The following BMP2K variants were observed in gnomAD, a reference collection of about 807,000 sequenced individuals.
The protein encoded by BMP2K is BMP2 inducible kinase, also known as BMP-2-inducible protein kinase.
BMP2K carries 74 observed loss-of-function variants against 116.0 expected under a neutral mutation model. That is an observed-to-expected ratio of 0.64 (90% CI 0.53 to 0.77). The LOEUF is 0.77. Ranked by LOEUF, BMP2K falls within the 30% of genes least tolerant of loss-of-function variation. The pLI is 0.00. For synonymous variants in BMP2K, 486 were observed against 502.5 expected (o/e 0.97, Z 0.44); for missense variants, 1,365 against 1,403.6 (o/e 0.97, Z 0.44).
chr4:78,811,512 T>C (rs1729090087), intron 1 of BMP2K, among the ~76,000 whole-genome samples: 1 of 152,248 alleles, frequency 6.6e-6, no homozygotes. Flanking sequence ...GGTAAGACCA[T>C]GCGATTACAA....
chr4:78,866,726 C>G (rs1732069980), intron 10 of BMP2K, among the ~76,000 whole-genome samples: 1 of 152,180 alleles, frequency 6.6e-6, no homozygotes, highest in Non-Finnish European at 1.5e-5. Context: ...TCTCGGCTCA[C>G]TGCAACCTCC....
At chr4:78,835,856 C>T (rs1730452762) in intron 3 of BMP2K, among the ~76,000 whole-genome samples, 1 of 152,048 alleles carries the variant, frequency 6.6e-6, no homozygotes, top group Non-Finnish European at 1.5e-5. Context: ...GTATATAATT[C>T]TGTGCATGAA....
rs1455259988 is a variant in BMP2K, at chr4:78,911,801, A to G, written c.3254A>G (p.His1085Arg). ...HSPDLSWHPP[H>R]QGLSDIRADH... Reference sequence around the variant, plus strand: ...CCAGACCTGTCATGGCACCCTCCACATCAGGGCCTGAGCGACATCCGTGCT... The same window carrying G: ...CCAGACCTGTCATGGCACCCTCCACGTCAGGGCCTGAGCGACATCCGTGCT... Residue 1085 changes from histidine (H) to arginine (R), a missense_variant, in exon 16 of 16, where the codon CAT becomes CGT. Transcript: ENST00000502613. The G allele has an allele frequency of 1.2e-6, 2 of 1,613,946 alleles. No individual in the cohort carries two copies. The highest frequency in any genetic ancestry group is 2.2e-5 in the East Asian group (1 of 44,870).
chr4:78,857,516 C>G (rs1731559709), intron 7 of BMP2K, among the ~76,000 whole-genome samples: 1 of 152,056 alleles, frequency 6.6e-6, no homozygotes, highest in East Asian at 1.9e-4. Context: ...GAAAACAAAA[C>G]AAAGAAAAAC....
At chr4:78,849,983 G>A (rs17003468) in intron 6 of BMP2K, among the ~76,000 whole-genome samples, 1 of 151,496 alleles carries the variant, frequency 6.6e-6, no homozygotes, top group Non-Finnish European at 1.5e-5. Context: ...AAGCTGACTT[G>A]GTAATTTTTA....
At chr4:78,803,705 A>G (rs1728682588) in intron 1 of BMP2K, among the ~76,000 whole-genome samples, 1 of 152,166 alleles carries the variant, frequency 6.6e-6, no homozygotes. Flanking sequence ...GAATGCCATT[A>G]CTAGAGAATT....
chr4:78,858,004 A>T (rs1024408221), intron 7 of BMP2K, among the ~76,000 whole-genome samples: 1 of 151,832 alleles, frequency 6.6e-6, no homozygotes, highest in Non-Finnish European at 1.5e-5. Context: ...ATTAGTTTTA[A>T]TTTTCTTATA....
intron 1 of BMP2K, among the ~76,000 whole-genome samples, chr4:78,795,841 A>G (rs968931214): frequency 3.4e-4 from 51 of 152,152 alleles, no homozygotes; most frequent in African/African-American, 8.9e-4. Context: ...CCACAATGAG[A>G]TACCATCTCA....
At chr4:78,870,069 C>T (rs1222450493) in intron 10 of BMP2K, among the ~76,000 whole-genome samples, 3 of 152,052 alleles carry the variant, frequency 2.0e-5, no homozygotes, top group African/African-American at 4.8e-5. Context: ...TAGTATATTG[C>T]ATTAAGTGTA....
Position 78,865,608 on chromosome 4 carries a change from A to T in BMP2K, c.1119A>T (p.Arg373Ser). Residue 373 changes from arginine (R) to serine (S), a missense_variant, in exon 10 of 16, where the codon AGA (arginine) becomes AGT (serine). Arg to Ser is a moderately radical substitution (Grantham distance 110, BLOSUM62 -1). Coordinates refer to ENST00000502613, the MANE Select transcript of BMP2K (RefSeq NM_198892.2). ...AAACCTCAATTGCACCAAGACAAAG[A>T]CCAAAGGCCAACTCTGCTACTACTG... ...PTETSIAPRQ[R>S]PKANSATTAT... 2 of 1,614,150 alleles carry T rather than the reference A, an allele frequency of 1.2e-6. No homozygotes were observed. Among genetic ancestry groups the T allele is most frequent in the Admixed American group, 1.7e-5 (1 of 60,018 alleles).
At chr4:78,905,157 C>G (rs561446503) in intron 15 of BMP2K, among the ~76,000 whole-genome samples, 6 of 151,802 alleles carry the variant, frequency 4.0e-5, no homozygotes, top group African/African-American at 1.4e-4. Context: ...AATTGATTAA[C>G]CCTTTCGTTA....
intron 1 of BMP2K, among the ~76,000 whole-genome samples, chr4:78,778,629 T>G (rs1466253528): frequency 1.3e-5 from 2 of 152,236 alleles, no homozygotes; most frequent in African/African-American, 2.4e-5. Context: ...CCCACACAAC[T>G]GGAATTGTCT....
chr4:78,854,978 G>A (rs902339386), intron 7 of BMP2K, among the ~76,000 whole-genome samples: 7 of 151,898 alleles, frequency 4.6e-5, no homozygotes, highest in African/African-American at 9.7e-5. Flanking sequence ...ATGAAGATAC[G>A]GTTTCCTTGG....
chr4:78,829,875 T>A (rs1426901637), intron 2 of BMP2K, among the ~76,000 whole-genome samples: 1 of 147,220 alleles, frequency 6.8e-6, no homozygotes, highest in African/African-American at 2.5e-5. Context: ...TTTCTTTTGA[T>A]GTCTTGCTCT....
At chr4:78,785,719 C>A (rs1458804216) in intron 1 of BMP2K, among the ~76,000 whole-genome samples, 1 of 152,136 alleles carries the variant, frequency 6.6e-6, no homozygotes, top group Non-Finnish European at 1.5e-5. Context: ...ACAAAGTTTA[C>A]CCTTGATATG....
intron 15 of BMP2K, among the ~76,000 whole-genome samples, chr4:78,902,859 A>G (rs1734082530): frequency 6.6e-6 from 1 of 152,110 alleles, no homozygotes; most frequent in African/African-American, 2.4e-5. Context: ...ATTTTTTGGT[A>G]TAGTTTATAA....
At chr4:78,891,705 C>A (rs542755519) in intron 15 of BMP2K, among the ~76,000 whole-genome samples, 1 of 152,102 alleles carries the variant, frequency 6.6e-6, no homozygotes, top group East Asian at 1.9e-4. Flanking sequence ...CACATTTTGC[C>A]ACACCTTTTC....
intron 9 of BMP2K, among the ~76,000 whole-genome samples, chr4:78,863,352 T>C (rs1731886420): frequency 1.3e-5 from 2 of 152,112 alleles, no homozygotes; most frequent in Non-Finnish European, 2.9e-5. Flanking sequence ...AGCAGTTTCA[T>C]TACCCACGTT....
chr4:78,791,683 T>C (rs528774063), intron 1 of BMP2K, among the ~76,000 whole-genome samples: 14 of 152,354 alleles, frequency 9.2e-5, no homozygotes, highest in African/African-American at 3.1e-4. Flanking sequence ...AGGTATCTTA[T>C]AGAAGTGGAA....
Sources: allele counts gnomAD v4.1 joint callset (sites outside exome capture counted in the v4.1 genomes callset), GRCh38; gene constraint gnomAD v4.1.1; transcripts MANE v1.5; gene names NCBI Gene and HGNC (gene_info 2026-07-23, HGNC 2026-07-21).